MAGI1: variants seen among roughly 807,000 people sequenced by gnomAD.
The protein encoded by MAGI1 is membrane-associated guanylate kinase, WW and PDZ domain-containing protein 1.
In MAGI1, 58 loss-of-function variants were observed where a neutral mutation model predicts 139.9. That is an observed-to-expected ratio of 0.41 (90% CI 0.34 to 0.52). The LOEUF (loss-of-function observed/expected upper bound fraction) is 0.52. Among genes scored for constraint, MAGI1 ranks in the 20% least tolerant of loss-of-function variants. The pLI is 0.12. For missense variants in MAGI1, 1,874 were observed against 1,901.6 expected (o/e 0.99, Z 0.27); for synonymous variants, 812 against 737.9 (o/e 1.10, Z -1.63).
intron 2 of MAGI1, among the ~76,000 whole-genome samples, chr3:65,505,643 T>TAATAAA (rs2077253313): frequency 6.7e-6 from 1 of 148,908 alleles, no homozygotes. Flanking sequence ...TCTAAAATAA[T>TAATAAA]AATAATAATA....
intron 1 of MAGI1, among the ~76,000 whole-genome samples, chr3:66,037,273 C>A (rs1244064639): frequency 3.3e-5 from 5 of 152,142 alleles, no homozygotes; most frequent in African/African-American, 1.2e-4. Flanking sequence ...ATGTAGTAAA[C>A]CAACAATGAA....
At chr3:65,813,865 T>C (rs530744523) in intron 1 of MAGI1, among the ~76,000 whole-genome samples, 2 of 152,280 alleles carry the variant, frequency 1.3e-5, no homozygotes, top group African/African-American at 2.4e-5. Context: ...AACTTTATTC[T>C]GAAAAGCTCA....
At chr3:65,359,004 G>A (rs1417852062) in intron 22 of MAGI1, 5 of 1,441,066 alleles carry the variant, frequency 3.5e-6, no homozygotes, top group South Asian at 1.1e-5. Context: ...GAGCTAAGCA[G>A]AAGCAATGAG....
At chr3:65,401,545 C>T in intron 12 of MAGI1, 75 bp from the exon 13 acceptor site, 5 of 1,572,922 alleles carry the variant, frequency 3.2e-6, no homozygotes, top group Non-Finnish European at 4.3e-6. Context: ...CCTTAAAGAA[C>T]AATCCCCAGG....
intron 2 of MAGI1, among the ~76,000 whole-genome samples, chr3:65,522,488 A>G (rs2078207766): frequency 2.0e-5 from 3 of 152,176 alleles, no homozygotes; most frequent in South Asian, 4.1e-4. Flanking sequence ...AAATCTCACA[A>G]TGATGTATGA....
chr3:65,421,045 A>G (rs1032245127), intron 12 of MAGI1, among the ~76,000 whole-genome samples: 4 of 152,210 alleles, frequency 2.6e-5, no homozygotes, highest in Admixed American at 6.5e-5. Context: ...ATTCCTTAAG[A>G]TGTGAAAGTG....
At chr3:65,429,388 G>T in intron 12 of MAGI1, 132 bp downstream of exon 12, 2 of 941,374 alleles carry the variant, frequency 2.1e-6, no homozygotes, top group Non-Finnish European at 3.1e-6. Context: ...GTTAGTATTT[G>T]GAGAAATCAG....
In MAGI1 at chr3:65,375,624, C is replaced by T; in HGVS notation, c.3196+121G>A. On this transcript the variant is annotated intron_variant, in intron 18 of 22. Transcript: ENST00000402939. Reference sequence around the variant, plus strand: ...TAGTTAGGGATGAATAAAGCTGCCACTAAATTAATACTATTCAGTTACACG... The same window carrying T: ...TAGTTAGGGATGAATAAAGCTGCCATTAAATTAATACTATTCAGTTACACG... The T allele has an allele frequency of 1.3e-5, 11 of 869,724 alleles. No homozygotes were observed. The South Asian group carries it at 1.8e-4, about 15-fold the overall frequency. The allele number at this position is 869,724 out of a possible 1,614,324, so 53.9% of individuals were successfully genotyped here.
At chr3:65,779,379 G>C (rs1028549026) in intron 1 of MAGI1, among the ~76,000 whole-genome samples, 1 of 152,226 alleles carries the variant, frequency 6.6e-6, no homozygotes, top group African/African-American at 2.4e-5. Flanking sequence ...AAGGTAAGAA[G>C]GGCCGGGAGG....
intron 12 of MAGI1, among the ~76,000 whole-genome samples, chr3:65,408,667 T>G (rs1945544617): frequency 6.6e-6 from 1 of 152,234 alleles, no homozygotes; most frequent in Non-Finnish European, 1.5e-5. Context: ...GTTTTTTGTT[T>G]TCTTTGTTTA....
chr3:65,492,030 T>G (rs1952071760), intron 3 of MAGI1, among the ~76,000 whole-genome samples: 1 of 152,176 alleles, frequency 6.6e-6, no homozygotes, highest in South Asian at 2.1e-4. Flanking sequence ...CAGAAGCAAT[T>G]ATCACATTAA....
chr3:65,780,426 A>C (rs906685402), intron 1 of MAGI1, among the ~76,000 whole-genome samples: 1 of 152,222 alleles, frequency 6.6e-6, no homozygotes, highest in Admixed American at 6.5e-5. Context: ...GAAGATTTAA[A>C]GCAAAAGTTC....
intron 4 of MAGI1, among the ~76,000 whole-genome samples, chr3:65,477,714 T>TTA (rs745836102): frequency 0.34 from 36,355 of 106,830 alleles, 5,403 homozygotes; most frequent in East Asian, 0.6. Flanking sequence ...TATTATTATT[T>TTA]TTTTTTTTTT....
At chr3:65,777,251 C>G (rs1312117024) in intron 1 of MAGI1, among the ~76,000 whole-genome samples, 1 of 152,134 alleles carries the variant, frequency 6.6e-6, no homozygotes, top group Non-Finnish European at 1.5e-5. Context: ...CTTAGCCTCT[C>G]TGGGCTTCAG....
At chr3:65,440,672 A>G (rs1183618950) in intron 8 of MAGI1, among the ~76,000 whole-genome samples, 1 of 152,150 alleles carries the variant, frequency 6.6e-6, no homozygotes, top group Non-Finnish European at 1.5e-5. Flanking sequence ...TAGAGGCACA[A>G]TTAAAAGTAC....
chr3:65,853,153 C>A (rs1427479167), intron 1 of MAGI1, among the ~76,000 whole-genome samples: 1 of 151,134 alleles, frequency 6.6e-6, no homozygotes, highest in African/African-American at 2.4e-5. Flanking sequence ...GGCGACAGAG[C>A]GAGACTCCGT....
intron 1 of MAGI1, among the ~76,000 whole-genome samples, chr3:65,812,543 G>A (rs1226938844): frequency 6.7e-6 from 1 of 148,510 alleles, no homozygotes; most frequent in Non-Finnish European, 1.5e-5. Flanking sequence ...GTATCTTATG[G>A]TTTCAAGTTT....
At chr3:65,622,408 G>C (rs562551024) in intron 1 of MAGI1, among the ~76,000 whole-genome samples, 9 of 152,224 alleles carry the variant, frequency 5.9e-5, no homozygotes, top group African/African-American at 2.2e-4. Context: ...ATTACTAGAA[G>C]CATAAATTAC....
At chr3:65,791,657 T>C (rs1017857086) in intron 1 of MAGI1, among the ~76,000 whole-genome samples, 3 of 152,150 alleles carry the variant, frequency 2.0e-5, no homozygotes, top group Non-Finnish European at 4.4e-5. Flanking sequence ...CTATCCTCCA[T>C]CCCAAATTAA....
Sources: gnomAD v4.1 joint callset for allele counts (sites outside exome capture counted in the v4.1 genomes callset) on GRCh38, gnomAD v4.1.1 for gene constraint, MANE v1.5 for transcripts, NCBI Gene and HGNC (gene_info 2026-07-23, HGNC 2026-07-21) for gene names.